Variants in RABGEF1 observed in about 807,000 individuals in gnomAD.
RABGEF1 encodes the protein RAB guanine nucleotide exchange factor 1.
Under a neutral mutation model 57.3 loss-of-function variants are expected in RABGEF1, and 26 were observed. That is an observed-to-expected ratio of 0.45 (90% confidence interval 0.33 to 0.63). The LOEUF (loss-of-function observed/expected upper bound fraction) is 0.63. Ranked by LOEUF, RABGEF1 falls within the 20% of genes least tolerant of loss-of-function variation. The probability of loss-of-function intolerance (pLI) is 0.02; values close to 1 mark genes in which losing one functional copy is unlikely to be tolerated. For synonymous variants in RABGEF1, 185 were observed against 210.7 expected (o/e 0.88, Z 1.06); for missense variants, 464 against 607.6 (o/e 0.76, Z 2.48).
the RABGEF1 span, among the ~76,000 whole-genome samples, chr7:66,667,823 A>G: frequency 6.6e-6 from 1 of 152,064 alleles, no homozygotes; most frequent in Admixed American, 6.6e-5. Context: ...TTTGAGATGG[A>G]GTCTTGCTCT....
the RABGEF1 span, among the ~76,000 whole-genome samples, chr7:66,656,122 A>C: frequency 4.6e-5 from 7 of 152,062 alleles, no homozygotes; most frequent in Non-Finnish European, 8.8e-5. Context: ...GTGCTTATTT[A>C]TTTATTTATT....
At chr7:66,691,440 A>G (rs1335901532) in intron 1 of RABGEF1, among the ~76,000 whole-genome samples, 1 of 152,248 alleles carries the variant, frequency 6.6e-6, no homozygotes, top group Admixed American at 6.5e-5. Context: ...AGTACTCAGA[A>G]CAAAATATAT....
intron 1 of RABGEF1, among the ~76,000 whole-genome samples, chr7:66,746,010 A>G (rs1446351974): frequency 6.6e-6 from 1 of 152,140 alleles, no homozygotes; most frequent in Non-Finnish European, 1.5e-5. Context: ...AATCTTATTA[A>G]ATGTACACTT....
At chr7:66,706,453 A>G (rs1181929623) in intron 1 of RABGEF1, among the ~76,000 whole-genome samples, 2 of 152,090 alleles carry the variant, frequency 1.3e-5, no homozygotes, top group Non-Finnish European at 2.9e-5. Flanking sequence ...CTCCGTCCCC[A>G]GGCTGGAGTG....
At position 66,811,105 on chromosome 7, in the gene RABGEF1, G is replaced by A. The variant is rs187212173; in HGVS notation, c.*1821G>A. The stretch of plus-strand genomic sequence containing the variant: ...TGCTTTTAGGTGTGAATCCAGATAT[G>A]CGGTCTTAATTCCTTTGGAAATACA... On this transcript the variant is annotated 3_prime_UTR_variant, in exon 9 of 9. Coordinates refer to ENST00000284957, the MANE Select transcript of RABGEF1 (RefSeq NM_014504.3). 1.4e-4 allele frequency: 21 copies of A among 152,254 alleles called. No homozygotes were observed. Among genetic ancestry groups the A allele is most frequent in the African/African-American group, 5.1e-4 (21 of 41,540 alleles). 9.4% of individuals were successfully genotyped at this position (152,254 alleles called of 1,614,324 possible). A position where few individuals can be genotyped will look rare whatever the true frequency, so the allele number is the denominator to read the frequency against.
At chr7:66,777,154 A>G (rs1469911707) in intron 3 of RABGEF1, among the ~76,000 whole-genome samples, 12 of 152,240 alleles carry the variant, frequency 7.9e-5, no homozygotes, top group Non-Finnish European at 1.8e-4. Flanking sequence ...GGCATTTGCT[A>G]TGAAGAATAC....
chr7:66,739,843 G>A (rs1469001777), upstream of RABGEF1: 1 of 152,194 alleles, frequency 6.6e-6, no homozygotes, highest in Admixed American at 6.5e-5. Flanking sequence ...GGACGCAGAG[G>A]AATTAGTATT....
rs185086349 is a variant in RABGEF1, at chr7:66,774,634, C to T, written c.180-593C>T. 2.3e-4 allele frequency among the ~76,000 whole-genome samples: 35 copies of T among 152,194 alleles called. 1 individual carries two copies. Among genetic ancestry groups the T allele is most frequent in the Admixed American group, 2.1e-3 (32 of 15,268 alleles). ...TATTAGTCAGGTGTGGTGGTGTGCG[C>T]CTGTAGTCCCAATAACTTGGGAGGC... is the stretch of plus-strand genomic sequence containing the variant. On this transcript the variant is annotated intron_variant, in intron 2 of 8. Coordinates refer to ENST00000284957, the MANE Select transcript of RABGEF1 (RefSeq NM_014504.3).
chr7:66,658,989 C>T, the RABGEF1 span, among the ~76,000 whole-genome samples: 4 of 152,078 alleles, frequency 2.6e-5, no homozygotes, highest in Non-Finnish European at 5.9e-5. Flanking sequence ...CCTGCCTTGG[C>T]CTTCCAAAAT....
intron 5 of RABGEF1, among the ~76,000 whole-genome samples, chr7:66,796,206 C>T (rs190804583): frequency 6.6e-6 from 1 of 151,968 alleles, no homozygotes; most frequent in Non-Finnish European, 1.5e-5. Context: ...ATCTTGGAAT[C>T]ACCATTTTGG....
chr7:66,706,684 G>A (rs1584815378), intron 1 of RABGEF1, among the ~76,000 whole-genome samples: 1 of 151,502 alleles, frequency 6.6e-6, no homozygotes, highest in East Asian at 2.0e-4. Flanking sequence ...AAAGTGCTAG[G>A]ATTACAGGTG....
At chr7:66,743,178 C>T (rs191759384) in intron 1 of RABGEF1, among the ~76,000 whole-genome samples, 3 of 151,970 alleles carry the variant, frequency 2.0e-5, no homozygotes, top group Admixed American at 1.3e-4. Context: ...TGTGATGGCG[C>T]CTGCCGTAAT....
At chr7:66,655,778 CT>C in the RABGEF1 span, among the ~76,000 whole-genome samples, 1 of 152,120 alleles carries the variant, frequency 6.6e-6, no homozygotes, top group South Asian at 2.1e-4. Flanking sequence ...TAACATTTTG[CT>C]TTTAAGAGTT....
chr7:66,724,566 G>A (rs533824176), intron 2 of RABGEF1, among the ~76,000 whole-genome samples: 1 of 152,180 alleles, frequency 6.6e-6, no homozygotes, highest in Non-Finnish European at 1.5e-5. Context: ...CACCATGTTG[G>A]TCAGGCTGGT....
chr7:66,662,867 A>G, the RABGEF1 span, among the ~76,000 whole-genome samples: 1 of 150,444 alleles, frequency 6.6e-6, no homozygotes, highest in African/African-American at 2.5e-5. Context: ...GTGTATGTAC[A>G]GACGTGTGTA....
At position 66,703,486 on chromosome 7, in the gene RABGEF1, G is replaced by A. The variant is rs769630633; in HGVS notation, c.-872-8681G>A. On this transcript the variant is annotated intron_variant and NMD_transcript_variant, in intron 1 of 9. Transcript: ENST00000607882. The stretch of plus-strand genomic sequence containing the variant: ...GTCAGGTAAAGATACATGAGGTGGG[G>A]TAAAGGTCTAACTTTATTTTTTGGC... 8.5e-5 allele frequency among the ~76,000 whole-genome samples: 13 copies of A among 152,316 alleles called. No homozygotes were observed. In the South Asian group the frequency reaches 1.2e-3, roughly 15 times the overall value.
chr7:66,773,655 T>C (rs1807761471), intron 2 of RABGEF1: 2 of 453,874 alleles, frequency 4.4e-6, no homozygotes, highest in Non-Finnish European at 8.8e-6. Context: ...TAGATAGTGC[T>C]TGTGCTTTTT....
At position 66,809,355 on chromosome 7, in the gene RABGEF1, G is replaced by T. The variant is rs1214904854; in HGVS notation, c.*71G>T. 2 of 1,457,130 alleles carry T rather than the reference G, an allele frequency of 1.4e-6. No individual in the cohort carries two copies. Among genetic ancestry groups the T allele is most frequent in the African/African-American group, 2.9e-5 (2 of 69,092 alleles). The allele number at this position is 1,457,130 out of a possible 1,614,324, so 90.3% of individuals were successfully genotyped here. On this transcript the variant is annotated 3_prime_UTR_variant, in exon 9 of 9. Coordinates refer to ENST00000284957, the MANE Select transcript of RABGEF1 (RefSeq NM_014504.3). ...GCCCTTACTACACTCAACTGATTGGGATCTAGAATGTAACTAAATTGCTTA... is the reference window on the plus strand; with the variant it reads ...GCCCTTACTACACTCAACTGATTGGTATCTAGAATGTAACTAAATTGCTTA...
intron 1 of RABGEF1, among the ~76,000 whole-genome samples, chr7:66,745,466 G>A (rs1196856166): frequency 6.6e-6 from 1 of 151,992 alleles, no homozygotes; most frequent in Non-Finnish European, 1.5e-5. Flanking sequence ...TAGCCCATCA[G>A]TAAAGTTATC....
Sources: allele counts gnomAD v4.1 joint callset (sites outside exome capture counted in the v4.1 genomes callset), GRCh38; gene constraint gnomAD v4.1.1; transcripts MANE v1.5; gene names NCBI Gene and HGNC (gene_info 2026-07-23, HGNC 2026-07-21).